The following RBFOX1 variants were observed in gnomAD, a reference collection of about 807,000 sequenced individuals.
The protein encoded by RBFOX1 is RNA binding fox-1 homolog 1, also known as RNA binding protein fox-1 homolog 1.
Under a neutral mutation model 57.7 loss-of-function variants are expected in RBFOX1, and 8 were observed. The ratio of observed to expected loss-of-function variants is 0.14; its 90% CI spans 0.08 to 0.25. The LOEUF is 0.25. Ranked by LOEUF, RBFOX1 falls within the 10% of genes least tolerant of loss-of-function variation. The pLI is 1.00. For missense variants in RBFOX1, 611 were observed against 548.5 expected, an observed-to-expected ratio of 1.11 and a Z score of -1.14; for synonymous variants, 326 against 222.4, an observed-to-expected ratio of 1.47 and a Z score of -4.15.
At chr16:7,329,921 C>CAT (rs1189659635) in intron 4 of RBFOX1, among the ~76,000 whole-genome samples, 1 of 152,100 alleles carries the variant, frequency 6.6e-6, no homozygotes, top group Non-Finnish European at 1.5e-5. Flanking sequence ...TATATATAAG[C>CAT]ATATATACAC....
intron 4 of RBFOX1, among the ~76,000 whole-genome samples, chr16:7,152,812 C>T (rs1463546889): frequency 6.6e-6 from 1 of 152,106 alleles, no homozygotes. Flanking sequence ...TTTTCCCTCC[C>T]TAGAAGAGAC....
intron 4 of RBFOX1, among the ~76,000 whole-genome samples, chr16:7,513,317 C>G (rs1256027793): frequency 6.6e-6 from 1 of 151,850 alleles, no homozygotes. Context: ...GAAGTGAACT[C>G]CCCACCAGGT....
At chr16:5,318,125 G>GT (rs201977935) in intron 1 of RBFOX1, among the ~76,000 whole-genome samples, 2,150 of 151,488 alleles carry the variant, frequency 0.014, 40 homozygotes, top group African/African-American at 0.049. Flanking sequence ...TACACCTACT[G>GT]TTTTTTTTTA....
intron 3 of RBFOX1, among the ~76,000 whole-genome samples, chr16:6,689,726 C>T (rs888534530): frequency 6.6e-6 from 1 of 152,130 alleles, no homozygotes. Context: ...TTTGGTTCTT[C>T]CCTGAAACTC....
At chr16:5,980,847 G>A (rs996335786) in intron 4 of RBFOX1, among the ~76,000 whole-genome samples, 2 of 152,046 alleles carry the variant, frequency 1.3e-5, no homozygotes, top group Non-Finnish European at 2.9e-5. Context: ...ACACTTTGTC[G>A]GGCAACGCTG....
intron 2 of RBFOX1, among the ~76,000 whole-genome samples, chr16:6,596,155 C>A (rs1171291975): frequency 2.0e-5 from 3 of 151,892 alleles, no homozygotes; most frequent in Admixed American, 6.6e-5. Flanking sequence ...ATTGCTTATT[C>A]TTTTGGTGTC....
intron 3 of RBFOX1, among the ~76,000 whole-genome samples, chr16:6,841,871 G>T (rs1055544477): frequency 2.0e-5 from 3 of 152,102 alleles, no homozygotes; most frequent in African/African-American, 7.2e-5. Flanking sequence ...GGGCGCGGTG[G>T]CTCACGCCTG....
chr16:5,542,311 C>A (rs964130227), intron 2 of RBFOX1, among the ~76,000 whole-genome samples: 1 of 148,474 alleles, frequency 6.7e-6, no homozygotes, highest in African/African-American at 2.5e-5. Context: ...TGCAGTGGCA[C>A]GATCTCGGCT....
intron 4 of RBFOX1, among the ~76,000 whole-genome samples, chr16:7,373,562 G>GC (rs1474928668): frequency 6.6e-6 from 1 of 152,106 alleles, no homozygotes; most frequent in East Asian, 1.9e-4. Context: ...GAGTGCCCGG[G>GC]CAAGCCTTTA....
chr16:5,778,517 A>G (rs1597214837), intron 3 of RBFOX1, among the ~76,000 whole-genome samples: 1 of 152,154 alleles, frequency 6.6e-6, no homozygotes, highest in Non-Finnish European at 1.5e-5. Context: ...TTTTGTCACT[A>G]CAAAGCCTGC....
At chr16:6,418,394 A>C (rs1040733939) in intron 2 of RBFOX1, among the ~76,000 whole-genome samples, 6 of 152,126 alleles carry the variant, frequency 3.9e-5, no homozygotes, top group Non-Finnish European at 5.9e-5. Context: ...TATTTGGGGA[A>C]TATGTCTATA....
intron 4 of RBFOX1, among the ~76,000 whole-genome samples, chr16:7,496,702 T>TTA (rs1555517434): frequency 8.8e-5 from 13 of 147,824 alleles, no homozygotes; most frequent in South Asian, 2.2e-4. Context: ...TTTTTTTTTT[T>TTA]AAATTTGACC....
chr16:6,687,483 G>C (rs1406429895), intron 3 of RBFOX1, among the ~76,000 whole-genome samples: 2 of 152,166 alleles, frequency 1.3e-5, no homozygotes, highest in East Asian at 3.8e-4. Context: ...AAACTTAAAA[G>C]TGGTGATCTC....
intron 1 of RBFOX1, among the ~76,000 whole-genome samples, chr16:5,276,600 T>C (rs915776351): frequency 2.6e-5 from 4 of 152,030 alleles, no homozygotes; most frequent in Non-Finnish European, 5.9e-5. Context: ...CTGACTAACA[T>C]GGTGAAACCC....
chr16:7,065,882 G>C (rs1472045437), intron 4 of RBFOX1, among the ~76,000 whole-genome samples: 1 of 152,120 alleles, frequency 6.6e-6, no homozygotes, highest in African/African-American at 2.4e-5. Context: ...ACGCTACATG[G>C]AAGTGAGTTC....
intron 1 of RBFOX1, among the ~76,000 whole-genome samples, chr16:5,391,927 A>T (rs1422475246): frequency 2.6e-5 from 4 of 151,674 alleles, no homozygotes; most frequent in African/African-American, 9.7e-5. Context: ...ATATATATAC[A>T]CACACAATGG....
intron 1 of RBFOX1, among the ~76,000 whole-genome samples, chr16:5,393,264 G>T (rs899867355): frequency 6.6e-6 from 1 of 152,146 alleles, no homozygotes; most frequent in Non-Finnish European, 1.5e-5. Context: ...AAACTTAGGA[G>T]CTCCACAATT....
chr16:6,987,232 C>T (rs1009695181), intron 3 of RBFOX1, among the ~76,000 whole-genome samples: 6 of 152,090 alleles, frequency 3.9e-5, no homozygotes, highest in Non-Finnish European at 5.9e-5. Context: ...AACTTTGGCC[C>T]TGGTTATGCA....
chr16:7,068,885 G>T lies in RBFOX1; in HGVS notation c.27+16787G>T, dbSNP rs189457694. On this transcript the variant is annotated intron_variant, in intron 4 of 15. Coordinates refer to ENST00000550418, the MANE Select transcript of RBFOX1 (RefSeq NM_018723.4). ...GTTTCAGGCATGAGCCACCGCGCCC[G>T]GCCTGATACTATTTTATTACTTGAT... Among the ~76,000 whole-genome samples the T allele has an allele frequency of 5.1e-4, 78 of 152,262 alleles. No individual in the cohort carries two copies. The South Asian group carries it at 6.4e-3, about 13-fold the overall frequency.
Sources: gnomAD v4.1 joint callset for allele counts (sites outside exome capture counted in the v4.1 genomes callset) on GRCh38, gnomAD v4.1.1 for gene constraint, MANE v1.5 for transcripts, NCBI Gene and HGNC (gene_info 2026-07-23, HGNC 2026-07-21) for gene names.